The following MOGAT1 variants were observed in gnomAD, a reference collection of about 807,000 sequenced individuals.
MOGAT1 encodes monoacylglycerol O-acyltransferase 1, also known as 2-acylglycerol O-acyltransferase 1.
Under a neutral mutation model 31.4 loss-of-function variants are expected in MOGAT1, and 32 were observed. The observed-to-expected ratio is 1.02, with a 90% CI of 0.77 to 1.37. MOGAT1 has a LOEUF of 1.37. Ranked by LOEUF, MOGAT1 falls within the 40% of genes most tolerant of loss-of-function variation. The pLI is 0.00. For missense variants in MOGAT1, 426 were observed against 402.0 expected (o/e 1.06, Z -0.51); for synonymous variants, 145 against 144.5 (o/e 1.00, Z -0.03).
intron 1 of MOGAT1, among the ~76,000 whole-genome samples, chr2:222,688,080 A>G (rs1464285506): frequency 1.3e-5 from 2 of 152,102 alleles, no homozygotes; most frequent in South Asian, 2.1e-4. Flanking sequence ...AAAAATAAAG[A>G]GTACTGTGGC....
chr2:222,671,918 C>A (rs1692424797), intron 1 of MOGAT1, 39 bp downstream of exon 1: 11 of 1,470,744 alleles, frequency 7.5e-6, no homozygotes, highest in Non-Finnish European at 1.0e-5. Flanking sequence ...GCTTGGGCTC[C>A]ATATCCTCCC....
At chr2:222,687,633 C>T (rs76057096) in intron 1 of MOGAT1, among the ~76,000 whole-genome samples, 6,007 of 152,266 alleles carry the variant, frequency 0.039, 139 homozygotes, top group African/African-American at 0.059. Flanking sequence ...TTATTAGGTG[C>T]ATAAACAATT....
chr2:222,695,171 A>G lies in MOGAT1; in HGVS notation c.736A>G (p.Thr246Ala). 1 of 1,613,720 alleles carries G rather than the reference A, an allele frequency of 6.2e-7. No individual in the cohort carries two copies. Among genetic ancestry groups the G allele is most frequent in the East Asian group, 2.2e-5 (1 of 44,876 alleles). ...CAACCCTGAAGGATCATGGATTAGAACTGTTCAGAATAAACTGCAGAAGAT... is the reference window on the plus strand; with the variant it reads ...CAACCCTGAAGGATCATGGATTAGAGCTGTTCAGAATAAACTGCAGAAGAT... ...TDNPEGSWIR[T>A]VQNKLQKIMG... is the part of the protein sequence containing the mutation. Residue 246 changes from threonine (T) to alanine (A), a missense_variant, in exon 5 of 6, where the codon ACT becomes GCT. Thr to Ala is a moderately conservative substitution (Grantham distance 58). Transcript: ENST00000446656.
At chr2:222,683,938 G>A (rs538402843) in intron 1 of MOGAT1, among the ~76,000 whole-genome samples, 94 of 152,276 alleles carry the variant, frequency 6.2e-4, no homozygotes, top group Non-Finnish European at 1.1e-3. Flanking sequence ...CATAAGTTTC[G>A]AGAGCTGCAC....
chr2:222,680,597 C>T (rs1387088236), intron 1 of MOGAT1, among the ~76,000 whole-genome samples: 3 of 152,090 alleles, frequency 2.0e-5, no homozygotes, highest in African/African-American at 7.2e-5. Context: ...AGAATTTACA[C>T]TTACATTCTT....
intron 1 of MOGAT1, among the ~76,000 whole-genome samples, chr2:222,675,696 G>A (rs538960399): frequency 6.6e-6 from 1 of 152,058 alleles, no homozygotes; most frequent in African/African-American, 2.4e-5. Context: ...AGCCAGGATG[G>A]TCTCGGTCTC....
chr2:222,701,535 GAAAGAAA>G (rs1227534449), intron 5 of MOGAT1, among the ~76,000 whole-genome samples: 8 of 70,384 alleles, frequency 1.1e-4, no homozygotes, highest in South Asian at 3.8e-4. Flanking sequence ...GAAAGAAAGA[GAAAGAAA>G]AAAGAAAAAA....
rs529717196 is a variant in MOGAT1, at chr2:222,684,405, C to CA, written c.95-3928dup. ...TGGGCAATGGAGTGAGACTCTGTCT[C>CA]AAAAAAAAAAAGAAAGAAAGGATTA... On this transcript the variant is annotated intron_variant, in intron 1 of 5. Transcript: ENST00000446656. Among the ~76,000 whole-genome samples, 226 of 135,110 alleles carry CA rather than the reference C, an allele frequency of 1.7e-3. 3 individuals carry two copies. Among genetic ancestry groups the CA allele is most frequent in the South Asian group, 0.014 (57 of 4,190 alleles). The allele number at this position is 135,110 out of a possible 152,430, so 88.6% of individuals were successfully genotyped here. A position where few individuals can be genotyped will look rare whatever the true frequency, so the allele number is the denominator to read the frequency against.
chr2:222,691,452 ACCCAGCTCGGCCT>A (rs1481024084), intron 3 of MOGAT1, among the ~76,000 whole-genome samples: 2 of 151,816 alleles, frequency 1.3e-5, no homozygotes, highest in Non-Finnish European at 1.5e-5. Context: ...CAGGTGATCC[ACCCAGCTCGGCCT>A]CCCAAAGCGC....
chr2:222,705,157 A>G (rs1418180037), intron 5 of MOGAT1, among the ~76,000 whole-genome samples: 1 of 152,204 alleles, frequency 6.6e-6, no homozygotes, highest in Non-Finnish European at 1.5e-5. Flanking sequence ...GTAAACTGCC[A>G]TGGAACTAAT....
At chr2:222,694,746 C>T (rs1692816252) in intron 4 of MOGAT1, among the ~76,000 whole-genome samples, 1 of 152,174 alleles carries the variant, frequency 6.6e-6, no homozygotes, top group Non-Finnish European at 1.5e-5. Context: ...AAACTTAACT[C>T]TAAAAGCAAA....
intron 5 of MOGAT1, among the ~76,000 whole-genome samples, chr2:222,705,272 T>G (rs1692988773): frequency 6.6e-6 from 1 of 152,202 alleles, no homozygotes; most frequent in Non-Finnish European, 1.5e-5. Context: ...GCAAGGTCTT[T>G]GTGACTTGTA....
At chr2:222,682,240 C>T (rs73073766) in intron 1 of MOGAT1, among the ~76,000 whole-genome samples, 1,678 of 152,190 alleles carry the variant, frequency 0.011, 25 homozygotes, top group African/African-American at 0.039. Flanking sequence ...GCATGTATCG[C>T]CTGAAAACAA....
chr2:222,698,429 G>A (rs1692868546), intron 5 of MOGAT1, among the ~76,000 whole-genome samples: 3 of 152,310 alleles, frequency 2.0e-5, no homozygotes, highest in African/African-American at 7.2e-5. Flanking sequence ...AGGACTTCTT[G>A]TGACTGGTAA....
At position 222,709,732 on chromosome 2, in the gene MOGAT1, G is replaced by A; in HGVS notation, c.854-4G>A. ...TCACGTATGATGTATTCCCTGATTT[G>A]CAGTTGGCCGCCCGATCCCTGTTCG... On this transcript the variant is annotated splice_polypyrimidine_tract_variant and splice_region_variant and intron_variant, in intron 5 of 5. Transcript: ENST00000446656. 3 of 1,597,294 alleles carry A rather than the reference G, an allele frequency of 1.9e-6. No homozygotes were observed. Among genetic ancestry groups the A allele is most frequent in the Non-Finnish European group, 1.7e-6 (2 of 1,170,790 alleles).
At chr2:222,694,655 T>A in intron 4 of MOGAT1, 119 bp downstream of exon 4, 1 of 952,454 alleles carries the variant, frequency 1.0e-6, no homozygotes, top group Non-Finnish European at 1.5e-6. Context: ...GATCTGACAG[T>A]AAAAGCAGGT....
Position 222,688,343 on chromosome 2 carries a change from G to A in MOGAT1, c.95-1G>A. 6.2e-7 allele frequency: 1 copy of A among 1,603,110 alleles called. No homozygotes were observed. Among genetic ancestry groups the A allele is most frequent in the Non-Finnish European group, 8.5e-7 (1 of 1,175,118 alleles). On this transcript the variant is annotated splice_acceptor_variant, in intron 1 of 5. Transcript: ENST00000446656. LOFTEE classifies it high-confidence loss of function. ...CCATGAGACTTTTTCTTTTCTTACAGGGCCGATGTCCATTGGAATCACTGT... is the reference window on the plus strand; with the variant it reads ...CCATGAGACTTTTTCTTTTCTTACAAGGCCGATGTCCATTGGAATCACTGT...
chr2:222,695,076 T>C lies in MOGAT1; in HGVS notation c.654-13T>C. On this transcript the variant is annotated splice_polypyrimidine_tract_variant and intron_variant, in intron 4 of 5. Transcript: ENST00000446656. Reference sequence around the variant, plus strand: ...TCATTGAAAATTCTCACCCGTCCCCTTTGTTATTGCAGCGCCTCTCTGGTC... The same window carrying C: ...TCATTGAAAATTCTCACCCGTCCCCCTTGTTATTGCAGCGCCTCTCTGGTC... 2 of 1,572,700 alleles carry C rather than the reference T, an allele frequency of 1.3e-6. No homozygotes were observed. Among genetic ancestry groups the C allele is most frequent in the South Asian group, 1.2e-5 (1 of 84,654 alleles).
At chr2:222,700,470 T>G (rs907431174) in intron 5 of MOGAT1, among the ~76,000 whole-genome samples, 3 of 152,248 alleles carry the variant, frequency 2.0e-5, no homozygotes, top group Non-Finnish European at 4.4e-5. Context: ...CTACTTACCC[T>G]GCAAACAGTT....
Sources: allele counts gnomAD v4.1 joint callset (sites outside exome capture counted in the v4.1 genomes callset), GRCh38; gene constraint gnomAD v4.1.1; transcripts MANE v1.5; gene names NCBI Gene and HGNC (gene_info 2026-07-23, HGNC 2026-07-21).